The following AKAP13 variants were observed in gnomAD, a reference collection of about 807,000 sequenced individuals.
AKAP13 encodes A-kinase anchor protein 13.
A neutral mutation model predicts 264.5 loss-of-function variants in AKAP13; 80 were observed. The observed-to-expected ratio is 0.30, with a 90% CI of 0.25 to 0.36. AKAP13 has a LOEUF of 0.36. Ranked by LOEUF, AKAP13 falls within the 10% of genes least tolerant of loss-of-function variation. The probability of loss-of-function intolerance (pLI) is 1.00; values close to 1 mark genes in which losing one functional copy is unlikely to be tolerated. For missense variants in AKAP13, 3,712 were observed against 3,435.2 expected (o/e 1.08, Z -2.01); for synonymous variants, 1,380 against 1,250.2 (o/e 1.10, Z -2.19).
chr15:85,438,470 T>G (rs2073437651), intron 1 of AKAP13, among the ~76,000 whole-genome samples: 1 of 150,846 alleles, frequency 6.6e-6, no homozygotes, highest in Admixed American at 6.6e-5. Context: ...AAAACTACTT[T>G]AAAGTTCATA....
intron 30 of AKAP13, among the ~76,000 whole-genome samples, chr15:85,730,997 C>CTTTTTTTTTTTT (rs71468134): frequency 3.5e-5 from 2 of 57,380 alleles, no homozygotes; most frequent in East Asian, 6.2e-4. Context: ...GTCACTTATG[C>CTTTTTTTTTTTT]TTTTTTTTTT....
At chr15:85,567,935 C>G (rs904898814) in intron 5 of AKAP13, among the ~76,000 whole-genome samples, 2 of 122,326 alleles carry the variant, frequency 1.6e-5, no homozygotes. Context: ...TTAAATAGCC[C>G]AAAGAGGTGT....
rs1218250262 is a variant in AKAP13 at position 85,749,333 on chromosome 15, AAT to A, written c.*4658_*4659del. ...AAAGTCTCCCTCAGCCCTTTCAAAA[AAT>A]AATAAATTTCCTGTGAAGTTCTGGT... is the stretch of plus-strand genomic sequence containing the variant. On this transcript the variant is annotated 3_prime_UTR_variant, in exon 37 of 37. Transcript: ENST00000394518. 6.6e-6 allele frequency: 1 copy of A among 152,196 alleles called. No individual in the cohort carries two copies. The highest frequency in any genetic ancestry group is 6.5e-5 in the Admixed American group (1 of 15,276). The allele number at this position is 152,196 out of a possible 1,614,324, so 9.4% of individuals were successfully genotyped here.
intron 4 of AKAP13, chr15:85,534,851 T>C (rs1000576713): frequency 1.2e-4 from 18 of 152,222 alleles, no homozygotes; most frequent in African/African-American, 4.1e-4. Flanking sequence ...ATTGTATAGA[T>C]ATTTTTTAAT....
intron 1 of AKAP13, among the ~76,000 whole-genome samples, chr15:85,474,255 CAT>C (rs972157228): frequency 2.0e-5 from 3 of 152,166 alleles, no homozygotes; most frequent in Non-Finnish European, 4.4e-5. Flanking sequence ...TAGTTTAAAA[CAT>C]ATATTCCTGA....
chr15:85,730,428 T>G, intron 29 of AKAP13, 85 bp from the exon 30 acceptor site: 2 of 1,418,784 alleles, frequency 1.4e-6, no homozygotes, highest in Non-Finnish European at 1.9e-6. Flanking sequence ...TTCCATAAAT[T>G]ACCACAAGGT....
intron 18 of AKAP13, among the ~76,000 whole-genome samples, chr15:85,709,352 A>C (rs1418512386): frequency 6.6e-6 from 1 of 152,128 alleles, no homozygotes; most frequent in African/African-American, 2.4e-5. Flanking sequence ...CAAACTCATT[A>C]AGCAGGCTGA....
intron 3 of AKAP13, among the ~76,000 whole-genome samples, chr15:85,532,357 T>A (rs1029287951): frequency 7.9e-4 from 121 of 152,372 alleles, no homozygotes; most frequent in African/African-American, 2.8e-3. Flanking sequence ...AAACCTCTGT[T>A]GGCCTGTGCC....
chr15:85,618,994 C>T (rs2081056975), intron 8 of AKAP13, among the ~76,000 whole-genome samples: 1 of 152,108 alleles, frequency 6.6e-6, no homozygotes, highest in Non-Finnish European at 1.5e-5. Flanking sequence ...ATAGTGTATG[C>T]TTTGGGTAGT....
chr15:85,709,666 T>TTTTATATTAC (rs2086520108), intron 18 of AKAP13, among the ~76,000 whole-genome samples: 1 of 140,742 alleles, frequency 7.1e-6, no homozygotes. Context: ...GGGAATTTTA[T>TTTTATATTAC]TTTATTTTAT....
intron 2 of AKAP13, among the ~76,000 whole-genome samples, chr15:85,510,231 G>A (rs984433638): frequency 2.0e-5 from 3 of 152,156 alleles, no homozygotes; most frequent in Non-Finnish European, 2.9e-5. Flanking sequence ...GAGAGTATGC[G>A]CCTGCTCGAG....
At chr15:85,464,266 G>T (rs760709866) in intron 1 of AKAP13, among the ~76,000 whole-genome samples, 10 of 152,132 alleles carry the variant, frequency 6.6e-5, no homozygotes, top group Non-Finnish European at 1.5e-4. Context: ...GTTAAAAATA[G>T]TTGTTAGAAG....
At chr15:85,630,305 C>T (rs1335100591) in intron 8 of AKAP13, among the ~76,000 whole-genome samples, 3 of 142,236 alleles carry the variant, frequency 2.1e-5, no homozygotes, top group Non-Finnish European at 4.5e-5. Flanking sequence ...TAATTCCGGC[C>T]CAGTGTCTCT....
intron 4 of AKAP13, 127 bp downstream of exon 4, chr15:85,534,007 T>A: frequency 9.3e-7 from 1 of 1,078,488 alleles, no homozygotes; most frequent in Non-Finnish European, 1.3e-6. Flanking sequence ...ATCTTAGAAT[T>A]ACTGTAGGAA....
chr15:85,727,046 G>A lies in AKAP13; in HGVS notation c.6823-20G>A, dbSNP rs1033527823. 1 of 1,613,408 alleles carries A rather than the reference G, an allele frequency of 6.2e-7. No individual in the cohort carries two copies. Among genetic ancestry groups the A allele is most frequent in the South Asian group, 1.1e-5 (1 of 91,036 alleles). On this transcript the variant is annotated intron_variant, in intron 27 of 36. Transcript: ENST00000394518. This position sits in a 1 kb window ranked among gnomAD's most constrained non-coding sequence, Gnocchi z 5.3. ...AATATTGTATATGTATCTTTTATTT[G>A]CCCTCTTCCCTTTTTCCAGGACCAG...
At chr15:85,492,762 CTT>C (rs2075766333) in intron 2 of AKAP13, among the ~76,000 whole-genome samples, 1 of 152,054 alleles carries the variant, frequency 6.6e-6, no homozygotes, top group African/African-American at 2.4e-5. Flanking sequence ...TCTTTAGTCT[CTT>C]AATTTTATTT....
chr15:85,426,465 G>A (rs1372599095), intron 1 of AKAP13, among the ~76,000 whole-genome samples: 4 of 152,074 alleles, frequency 2.6e-5, no homozygotes, highest in African/African-American at 9.7e-5. Context: ...TATTGAGGTA[G>A]CACAGTCTGT....
chr15:85,440,106 C>T (rs2073568451), intron 1 of AKAP13, among the ~76,000 whole-genome samples: 1 of 152,088 alleles, frequency 6.6e-6, no homozygotes. Context: ...TGTGCCCACC[C>T]TTTATGTATT....
In AKAP13 at chr15:85,381,521, CTTTTTTTT is replaced by C. The variant is rs1168869870; in HGVS notation, c.-12+737_-12+744del. Reference sequence around the variant, plus strand: ...TTTTTTTGGTAAATACGGTTTACTGCTTTTTTTTTTTTTTTTTTTTTGCAAAGCCACGA... The same window carrying C: ...TTTTTTTGGTAAATACGGTTTACTGCTTTTTTTTTTTTTGCAAAGCCACGA... On this transcript the variant is annotated intron_variant, in intron 1 of 36. Coordinates refer to ENST00000394518, the MANE Select transcript of AKAP13 (RefSeq NM_007200.5). Among the ~76,000 whole-genome samples the C allele has an allele frequency of 1.0e-3, 65 of 64,294 alleles. 1 individual carries two copies. The highest frequency in any genetic ancestry group is 3.9e-3 in the African/African-American group (59 of 15,070). The allele number at this position is 64,294 out of a possible 152,430, so 42.2% of individuals were successfully genotyped here.
Sources: gnomAD v4.1 joint callset for allele counts (sites outside exome capture counted in the v4.1 genomes callset) on GRCh38, gnomAD v4.1.1 for gene constraint, Gnocchi (gnomAD v3.1) non-coding constraint, MANE v1.5 for transcripts, NCBI Gene and HGNC (gene_info 2026-07-23, HGNC 2026-07-21) for gene names.